The following TCERG1L variants were observed in gnomAD, a reference collection of about 807,000 sequenced individuals.
TCERG1L encodes transcription elongation regulator 1 like, also known as transcription elongation regulator 1-like protein.
Under a neutral mutation model 56.3 loss-of-function variants are expected in TCERG1L, and 37 were observed. The ratio of observed to expected loss-of-function variants is 0.66; its 90% CI spans 0.51 to 0.87. The LOEUF (loss-of-function observed/expected upper bound fraction) is 0.87. TCERG1L is among the 40% of genes least tolerant of loss of function. The probability of loss-of-function intolerance (pLI) is 0.00; values close to 1 mark genes in which losing one functional copy is unlikely to be tolerated. For synonymous variants in TCERG1L, 324 were observed against 326.3 expected (o/e 0.99, Z 0.08); for missense variants, 799 against 774.2 (o/e 1.03, Z -0.38).
intron 4 of TCERG1L, among the ~76,000 whole-genome samples, chr10:131,243,961 G>C (rs887860237): frequency 6.6e-6 from 1 of 152,176 alleles, no homozygotes; most frequent in African/African-American, 2.4e-5. Context: ...TCTCTATTTG[G>C]GGATGGTTTG....
At chr10:131,247,677 C>T (rs1226956511) in intron 4 of TCERG1L, among the ~76,000 whole-genome samples, 1 of 152,000 alleles carries the variant, frequency 6.6e-6, no homozygotes, top group Non-Finnish European at 1.5e-5. Context: ...AGGAGATGAA[C>T]TTTCCCTTCT....
chr10:131,283,839 A>C (rs1846490821), intron 3 of TCERG1L, among the ~76,000 whole-genome samples: 1 of 152,194 alleles, frequency 6.6e-6, no homozygotes, highest in African/African-American at 2.4e-5. Context: ...GATAAACAGT[A>C]TAAAAGAAAA....
At chr10:131,234,167 G>A (rs1845886959) in intron 4 of TCERG1L, among the ~76,000 whole-genome samples, 2 of 152,182 alleles carry the variant, frequency 1.3e-5, no homozygotes, top group Non-Finnish European at 2.9e-5. Flanking sequence ...AACAGACTAA[G>A]ACAGCTTCTT....
At chr10:131,167,715 T>A (rs1846047335) in intron 4 of TCERG1L, among the ~76,000 whole-genome samples, 1 of 152,206 alleles carries the variant, frequency 6.6e-6, no homozygotes, top group South Asian at 2.1e-4. Flanking sequence ...CTGGCCGCCA[T>A]GGTGGGCCCT....
intron 4 of TCERG1L, among the ~76,000 whole-genome samples, chr10:131,185,479 T>A (rs562032810): frequency 1.3e-5 from 2 of 152,204 alleles, no homozygotes; most frequent in African/African-American, 4.8e-5. Context: ...TTGCAAATTA[T>A]GTATCTGATA....
intron 3 of TCERG1L, among the ~76,000 whole-genome samples, chr10:131,265,466 A>G (rs552474297): frequency 2.6e-5 from 4 of 152,204 alleles, no homozygotes; most frequent in Non-Finnish European, 5.9e-5. Context: ...AGGTCCTGGT[A>G]TTATCATAAA....
Position 131,134,400 on chromosome 10 carries a change from T to A in TCERG1L, c.1238A>T (p.Asp413Val). ...CTACCGGTTCCTCTTGGTTTTCACA[T>A]CTTGGTCTTCCCTGTTGTCTTCAGA... The part of the protein sequence containing the change: ...SSSEDNREDQ[D>V]VKTKRNRTEG... The change falls in exon 8 of 12, where the codon GAT becomes GTT. Residue 413 changes from aspartate to valine, a missense_variant. By Grantham distance (152) the Asp-to-Val change is radical (BLOSUM62 -3). Transcript: ENST00000368642. 6.3e-7 allele frequency: 1 copy of A among 1,594,332 alleles called. No individual in the cohort carries two copies. The highest frequency in any genetic ancestry group is 8.5e-7 in the Non-Finnish European group (1 of 1,169,724).
intron 4 of TCERG1L, among the ~76,000 whole-genome samples, chr10:131,193,261 T>A (rs1845322992): frequency 6.6e-6 from 1 of 152,180 alleles, no homozygotes; most frequent in African/African-American, 2.4e-5. Context: ...AAATATTAGT[T>A]CCCTACCAGA....
rs1284155880 is a variant in TCERG1L, at chr10:131,116,684, ACT to A, written c.1395+113_1395+114del. On this transcript the variant is annotated intron_variant, in intron 9 of 11. Transcript: ENST00000368642. Reference sequence around the variant, plus strand: ...CATCATCTCTCAGGCCAGGACAGTCACTCAGCCTGATCATGAACTCAGTGAGG... The same window carrying A: ...CATCATCTCTCAGGCCAGGACAGTCACAGCCTGATCATGAACTCAGTGAGG... 4.4e-6 allele frequency: 6 copies of A among 1,377,980 alleles called. No homozygotes were observed. The Admixed American group carries it at 8.0e-5, about 18-fold the overall frequency. 85.4% of individuals were successfully genotyped at this position (1,377,980 alleles called of 1,614,324 possible).
chr10:131,158,057 C>T (rs1372571996), intron 6 of TCERG1L, among the ~76,000 whole-genome samples: 1 of 152,190 alleles, frequency 6.6e-6, no homozygotes, highest in Non-Finnish European at 1.5e-5. Context: ...TCAAGGAGGC[C>T]CTGCGTCTGG....
At chr10:131,136,394 G>C (rs949147368) in intron 7 of TCERG1L, among the ~76,000 whole-genome samples, 3 of 152,150 alleles carry the variant, frequency 2.0e-5, no homozygotes, top group Admixed American at 6.5e-5. Context: ...CGAGGGCCTG[G>C]GGTGAGCACT....
At position 131,235,945 on chromosome 10, in the gene TCERG1L, C is replaced by T. The variant is rs1051846221; in HGVS notation, c.856+24314G>A. Among the ~76,000 whole-genome samples, 4 of 152,292 alleles carry T rather than the reference C, an allele frequency of 2.6e-5. No individual in the cohort carries two copies. In the South Asian group the frequency reaches 6.2e-4, roughly 24 times the overall value. On this transcript the variant is annotated intron_variant, in intron 4 of 11. Coordinates refer to ENST00000368642, the MANE Select transcript of TCERG1L (RefSeq NM_174937.4). The stretch of plus-strand genomic sequence containing the variant: ...GATAAATCCCTATAAAATGTCCTTA[C>T]AAAATTAAAGAAATAGACAGTAAAT...
At chr10:131,210,631 G>A (rs2944487) in intron 4 of TCERG1L, among the ~76,000 whole-genome samples, 138,559 of 152,222 alleles carry the variant, frequency 0.91, 63,345 homozygotes, top group Non-Finnish European at 0.95. Context: ...GGAACACACT[G>A]CATGTCTTGA....
intron 7 of TCERG1L, among the ~76,000 whole-genome samples, chr10:131,140,509 T>G (rs1845724814): frequency 1.3e-5 from 2 of 152,212 alleles, no homozygotes; most frequent in Non-Finnish European, 2.9e-5. Context: ...GAGTTGGATG[T>G]GAACCCCAGG....
intron 4 of TCERG1L, among the ~76,000 whole-genome samples, chr10:131,186,362 G>T (rs1394210396): frequency 6.6e-6 from 1 of 152,118 alleles, no homozygotes. Flanking sequence ...TATGGTATGT[G>T]AATTTCATCT....
At chr10:131,292,730 C>T (rs997166568) in intron 3 of TCERG1L, among the ~76,000 whole-genome samples, 3 of 151,888 alleles carry the variant, frequency 2.0e-5, no homozygotes, top group Admixed American at 6.6e-5. Context: ...CTCCCAAAAT[C>T]GTTTATCTAA....
intron 7 of TCERG1L, among the ~76,000 whole-genome samples, chr10:131,145,430 G>A (rs547311400): frequency 6.6e-6 from 1 of 152,310 alleles, no homozygotes; most frequent in South Asian, 2.1e-4. Flanking sequence ...GGACCTTGGA[G>A]ATTTTTCTTT....
chr10:131,190,898 C>T (rs2944466), intron 4 of TCERG1L, among the ~76,000 whole-genome samples: 75,607 of 142,172 alleles, frequency 0.53, 26,642 homozygotes, highest in Non-Finnish European at 0.68. Context: ...AAATAAAAGG[C>T]ATCCAAATTG....
At chr10:131,112,001 C>T (rs1320165634) in intron 9 of TCERG1L, among the ~76,000 whole-genome samples, 1 of 142,720 alleles carries the variant, frequency 7.0e-6, no homozygotes, top group Non-Finnish European at 1.6e-5. Context: ...CCCTCCCTCC[C>T]TTCCTGCCAT....
Sources: gnomAD v4.1 joint callset for allele counts (sites outside exome capture counted in the v4.1 genomes callset) on GRCh38, gnomAD v4.1.1 for gene constraint, MANE v1.5 for transcripts, NCBI Gene and HGNC (gene_info 2026-07-23, HGNC 2026-07-21) for gene names.